Variants in WASHC4 observed in about 807,000 individuals in gnomAD.
WASHC4 encodes the protein WASH complex subunit 4.
WASHC4 carries 86 observed loss-of-function variants against 166.6 expected under a neutral mutation model. The observed-to-expected ratio is 0.52, with a 90% CI of 0.43 to 0.62. The LOEUF is 0.62. Ranked by LOEUF, WASHC4 falls within the 20% of genes least tolerant of loss-of-function variation. The pLI is 0.00. For synonymous variants in WASHC4, 446 were observed against 451.6 expected (o/e 0.99, Z 0.16); for missense variants, 1,262 against 1,382.4 (o/e 0.91, Z 1.38).
rs1018244525 is a variant in WASHC4, at chr12:105,144,554, T to C, written c.2179+99T>C. On this transcript the variant is annotated intron_variant, in intron 21 of 32. Coordinates refer to ENST00000332180, the MANE Select transcript of WASHC4 (RefSeq NM_015275.3). The stretch of plus-strand genomic sequence containing the variant: ...TTTGAGGGTATATTTAAATTTTGTG[T>C]TGTTATTCTTTAATTACATTTTGTT... 8.9e-6 allele frequency: 11 copies of C among 1,235,888 alleles called. No individual in the cohort carries two copies. The Admixed American group carries it at 1.1e-4, about 12-fold the overall frequency. The allele number at this position is 1,235,888 out of a possible 1,614,324, so 76.6% of individuals were successfully genotyped here. A position where few individuals can be genotyped will look rare whatever the true frequency, so the allele number is the denominator to read the frequency against.
chr12:105,140,427 A>G (rs183634661), intron 16 of WASHC4, 26 bp downstream of exon 16: 11 of 1,462,422 alleles, frequency 7.5e-6, no homozygotes, highest in South Asian at 3.4e-5. Flanking sequence ...TGTATTTAGC[A>G]TAAGTATGTT....
In WASHC4 at chr12:105,157,292, G is replaced by A. The variant is rs1884230457; in HGVS notation, c.2882G>A (p.Gly961Asp). Residue 961 changes from glycine to aspartate, a missense_variant, in exon 28 of 33, where the codon GGT becomes GAT. Transcript: ENST00000332180. Reference sequence around the variant, plus strand: ...TTTGAAGAACTAGTAAAAGAAGAAGGTCTTGCAGAAGAAACATTAAAAGCA... The same window carrying A: ...TTTGAAGAACTAGTAAAAGAAGAAGATCTTGCAGAAGAAACATTAAAAGCA... ...VNFEELVKEE[G>D]LAEETLKAAR... The A allele has an allele frequency of 6.4e-7, 1 of 1,563,156 alleles. No homozygotes were observed. The highest frequency in any genetic ancestry group is 1.7e-5 in the Admixed American group (1 of 59,872).
At position 105,167,454 on chromosome 12, in the gene WASHC4, G is replaced by A. The variant is rs1884869645; in HGVS notation, c.*523G>A. The stretch of plus-strand genomic sequence containing the variant: ...TAGAGGTGAGGCACAAGTGTTTTAT[G>A]TACTCTCAGTGTACAGTATAACTGA... On this transcript the variant is annotated 3_prime_UTR_variant, in exon 33 of 33. Coordinates refer to ENST00000332180, the MANE Select transcript of WASHC4 (RefSeq NM_015275.3). 1 of 158,602 alleles carries A rather than the reference G, an allele frequency of 6.3e-6. No individual in the cohort carries two copies. The highest frequency in any genetic ancestry group is 2.4e-5 in the African/African-American group (1 of 41,482). The allele number at this position is 158,602 out of a possible 1,614,324, so 9.8% of individuals were successfully genotyped here. A position where few individuals can be genotyped will look rare whatever the true frequency, so the allele number is the denominator to read the frequency against.
At chr12:105,140,817 G>T (rs78925404) in intron 16 of WASHC4, 82 bp from the exon 17 acceptor site, 1 of 1,346,998 alleles carries the variant, frequency 7.4e-7, no homozygotes, top group Non-Finnish European at 1.0e-6. Flanking sequence ...ATTGAATCAT[G>T]GAAAAGATAA....
chr12:105,132,325 C>T (rs1881909440), intron 13 of WASHC4, among the ~76,000 whole-genome samples: 1 of 152,142 alleles, frequency 6.6e-6, no homozygotes, highest in Non-Finnish European at 1.5e-5. Context: ...GCGTGTGCCA[C>T]CACACCCAGC....
At chr12:105,159,185 G>T (rs1364934814) in intron 28 of WASHC4, among the ~76,000 whole-genome samples, 1 of 152,176 alleles carries the variant, frequency 6.6e-6, no homozygotes, top group Non-Finnish European at 1.5e-5. Context: ...CATTCACTCC[G>T]AAAGTGTTGA....
At chr12:105,153,926 A>G (rs184646116) in intron 26 of WASHC4, among the ~76,000 whole-genome samples, 37 of 152,256 alleles carry the variant, frequency 2.4e-4, no homozygotes, top group African/African-American at 7.9e-4. Flanking sequence ...GTGCCATCTA[A>G]TGTCACCTTG....
At chr12:105,130,500 A>G (rs1566006450) in intron 13 of WASHC4, among the ~76,000 whole-genome samples, 1 of 152,170 alleles carries the variant, frequency 6.6e-6, no homozygotes, top group Non-Finnish European at 1.5e-5. Flanking sequence ...GGGCACAGTT[A>G]TTTTTTTCAG....
At position 105,122,162 on chromosome 12, in the gene WASHC4, A is replaced by G. The variant is rs1331473511; in HGVS notation, c.710A>G (p.Gln237Arg). The G allele has an allele frequency of 2.5e-6, 4 of 1,610,178 alleles. No individual in the cohort carries two copies. Among genetic ancestry groups the G allele is most frequent in the Non-Finnish European group, 3.4e-6 (4 of 1,176,876 alleles). Reference protein sequence around the residue: ...VHHNPSKFGIQEEKLKPFEKF... With the variant: ...VHHNPSKFGIREEKLKPFEKF... The stretch of plus-strand genomic sequence containing the variant: ...CACAATCCTTCAAAATTTGGAATTC[A>G]GGAAGAAAAATTAAAGCCATTTGAA... The change falls in exon 10 of 33, where the codon CAG becomes CGG. Residue 237 changes from glutamine (Q) to arginine (R), a missense_variant. Physicochemically the swap from Gln to Arg is conservative, Grantham distance 43 (BLOSUM62 1). Transcript: ENST00000332180.
At chr12:105,160,520 T>C (rs1179136172) in intron 29 of WASHC4, among the ~76,000 whole-genome samples, 1 of 151,892 alleles carries the variant, frequency 6.6e-6, no homozygotes, top group Non-Finnish European at 1.5e-5. Context: ...TTTTGGTAAT[T>C]TGTTTTCTTT....
At chr12:105,125,172 G>A (rs1399813516) in intron 10 of WASHC4, among the ~76,000 whole-genome samples, 1 of 152,066 alleles carries the variant, frequency 6.6e-6, no homozygotes, top group African/African-American at 2.4e-5. Flanking sequence ...CTCAACTCTT[G>A]TTTACAGTTG....
intron 14 of WASHC4, among the ~76,000 whole-genome samples, chr12:105,137,364 T>G (rs573622134): frequency 3.4e-4 from 51 of 152,226 alleles, no homozygotes; most frequent in African/African-American, 1.2e-3. Context: ...CTGTGGGGAT[T>G]GGTCTAGGTG....
At chr12:105,117,301 A>T (rs1173418857) in intron 6 of WASHC4, among the ~76,000 whole-genome samples, 1 of 152,100 alleles carries the variant, frequency 6.6e-6, no homozygotes, top group Non-Finnish European at 1.5e-5. Context: ...GCAGCCTTTC[A>T]GTGTCATGTT....
chr12:105,122,681 C>A (rs576337402), intron 10 of WASHC4, among the ~76,000 whole-genome samples: 1 of 151,890 alleles, frequency 6.6e-6, no homozygotes, highest in Admixed American at 6.6e-5. Context: ...GTAATTCTTG[C>A]AATATTTTAA....
intron 26 of WASHC4, 60 bp downstream of exon 26, chr12:105,152,511 ATT>A (rs1196529387): frequency 3.2e-6 from 3 of 932,078 alleles, no homozygotes; most frequent in Non-Finnish European, 5.3e-6. Context: ...TATCTCATAT[ATT>A]AACTATTTCA....
At chr12:105,145,950 T>A (rs780829510) in intron 22 of WASHC4, among the ~76,000 whole-genome samples, 6 of 152,156 alleles carry the variant, frequency 3.9e-5, no homozygotes, top group Non-Finnish European at 8.8e-5. Flanking sequence ...CTAGCTATTT[T>A]GCCTCAGAGA....
chr12:105,166,760 T>A (rs1592928383), intron 32 of WASHC4, 104 bp from the exon 33 acceptor site: 1 of 774,610 alleles, frequency 1.3e-6, no homozygotes, highest in East Asian at 2.7e-5. Flanking sequence ...GCAACTGTAA[T>A]TTGAAGTTTG....
At position 105,143,195 on chromosome 12, in the gene WASHC4, G is replaced by A. The variant is rs1360121188; in HGVS notation, c.1962G>A (p.Glu654=). The change falls in exon 20 of 33, where the codon GAG becomes GAA. Residue 654 remains glutamate, a synonymous_variant. Transcript: ENST00000332180. ...ATGCAAGGCATTTAGAGTCCTATGAGATACTTCTGGATTGCTATGACAAGG... is the reference window on the plus strand; with the variant it reads ...ATGCAAGGCATTTAGAGTCCTATGAAATACTTCTGGATTGCTATGACAAGG... ...MMHARHLESY[E]ILLDCYDKEI... The A allele has an allele frequency of 1.2e-6, 2 of 1,609,472 alleles. No homozygotes were observed. Among genetic ancestry groups the A allele is most frequent in the Middle Eastern group, 1.7e-4 (1 of 6,046 alleles).
In WASHC4 at chr12:105,127,136, C is replaced by T; in HGVS notation, c.1046C>T (p.Ala349Val). 6.2e-7 allele frequency: 1 copy of T among 1,612,644 alleles called. No individual in the cohort carries two copies. The highest frequency in any genetic ancestry group is 8.5e-7 in the Non-Finnish European group (1 of 1,178,894). ...TTCCCTTTTCTGTTTCAGGTACCAG[C>T]CATCACTCTAACTGCTAATATTATT... ...SLLDICKKVP[A>V]ITLTANIIWF... Residue 349 changes from alanine (A) to valine (V), a missense_variant, in exon 13 of 33, where the codon GCC (alanine) becomes GTC (valine). Physicochemically the swap from Ala to Val is moderately conservative, Grantham distance 64. Coordinates refer to ENST00000332180, the MANE Select transcript of WASHC4 (RefSeq NM_015275.3).
Sources: gnomAD v4.1 joint callset for allele counts (sites outside exome capture counted in the v4.1 genomes callset) on GRCh38, gnomAD v4.1.1 for gene constraint, MANE v1.5 for transcripts, NCBI Gene and HGNC (gene_info 2026-07-23, HGNC 2026-07-21) for gene names.